HCN1: variants seen among roughly 807,000 people sequenced by gnomAD.
The protein encoded by HCN1 is potassium/sodium hyperpolarization-activated cyclic nucleotide-gated channel 1.
HCN1 carries 13 observed loss-of-function variants against 78.9 expected under a neutral mutation model. The ratio of observed to expected loss-of-function variants is 0.16; its 90% CI spans 0.11 to 0.26. The LOEUF (loss-of-function observed/expected upper bound fraction) is 0.26, where lower values mean the gene tolerates loss of function less well. Among genes scored for constraint, HCN1 ranks in the 10% least tolerant of loss-of-function variants. HCN1 has a pLI of 1.00. For synonymous variants in HCN1, 552 were observed against 455.5 expected, an observed-to-expected ratio of 1.21 and a Z score of -2.70; for missense variants, 810 against 1,154.3, an observed-to-expected ratio of 0.70 and a Z score of 4.32.
At chr5:45,305,255 C>T (rs778178592) in intron 5 of HCN1, among the ~76,000 whole-genome samples, 35 of 152,102 alleles carry the variant, frequency 2.3e-4, no homozygotes, top group Non-Finnish European at 1.3e-4. Context: ...CATAAAATAA[C>T]CTAATGCCAT....
At chr5:45,372,072 T>TATAATATAATTATACATATATTA (rs1561127858) in intron 4 of HCN1, among the ~76,000 whole-genome samples, 530 of 47,464 alleles carry the variant, frequency 0.011, 24 homozygotes, top group African/African-American at 0.038. Flanking sequence ...ATATTATATA[T>TATAATATAATTATACATATATTA]TATATATAAT....
chr5:45,549,832 G>A (rs1031020283), intron 2 of HCN1, among the ~76,000 whole-genome samples: 3 of 152,126 alleles, frequency 2.0e-5, no homozygotes, highest in Non-Finnish European at 4.4e-5. Context: ...CAAAAAGTGG[G>A]CGAAGGATAC....
intron 2 of HCN1, among the ~76,000 whole-genome samples, chr5:45,484,724 A>AT (rs1741723820): frequency 6.6e-6 from 1 of 152,186 alleles, no homozygotes; most frequent in African/African-American, 2.4e-5. Flanking sequence ...TAGGTCTCTA[A>AT]CAACAGTAGC....
intron 1 of HCN1, among the ~76,000 whole-genome samples, chr5:45,659,182 C>A (rs987808698): frequency 2.7e-5 from 4 of 149,392 alleles, no homozygotes; most frequent in African/African-American, 9.8e-5. Context: ...AGGCACCCCC[C>A]AGCAGGGGCA....
chr5:45,447,219 A>C (rs1656801808), intron 3 of HCN1, among the ~76,000 whole-genome samples: 1 of 152,166 alleles, frequency 6.6e-6, no homozygotes, highest in African/African-American at 2.4e-5. Context: ...AAACAAAAAA[A>C]GGCAGGGGTT....
intron 3 of HCN1, among the ~76,000 whole-genome samples, chr5:45,399,098 C>T (rs564620142): frequency 3.3e-4 from 50 of 152,338 alleles, no homozygotes; most frequent in African/African-American, 1.1e-3. Context: ...GCTCTCTACT[C>T]ACCATGGGTG....
intron 2 of HCN1, among the ~76,000 whole-genome samples, chr5:45,481,243 C>G (rs960572788): frequency 6.6e-6 from 1 of 152,196 alleles, no homozygotes; most frequent in Non-Finnish European, 1.5e-5. Flanking sequence ...TCAATGGCTG[C>G]TGATATCTCT....
chr5:45,378,357 T>C (rs565351955), intron 4 of HCN1, among the ~76,000 whole-genome samples: 1 of 152,178 alleles, frequency 6.6e-6, no homozygotes, highest in East Asian at 1.9e-4. Flanking sequence ...GTGCCAATTT[T>C]CTTGATAACT....
intron 1 of HCN1, among the ~76,000 whole-genome samples, chr5:45,668,166 T>C (rs1476186822): frequency 1.3e-5 from 2 of 151,948 alleles, no homozygotes; most frequent in Non-Finnish European, 2.9e-5. Context: ...AAGAGTAGCT[T>C]AATGAAAAAT....
chr5:45,641,609 A>C (rs1033712457), intron 2 of HCN1: 6 of 152,204 alleles, frequency 3.9e-5, no homozygotes, highest in African/African-American at 1.4e-4. Flanking sequence ...TTATTATATA[A>C]TGATGCATTT....
At chr5:45,266,327 C>G (rs950933559) in intron 7 of HCN1, among the ~76,000 whole-genome samples, 11 of 151,748 alleles carry the variant, frequency 7.2e-5, no homozygotes, top group Non-Finnish European at 1.5e-4. Context: ...ATATTACAAA[C>G]ATTTTATTAT....
intron 3 of HCN1, among the ~76,000 whole-genome samples, chr5:45,400,968 T>G (rs1203206110): frequency 3.3e-5 from 5 of 152,186 alleles, no homozygotes; most frequent in Non-Finnish European, 5.9e-5. Flanking sequence ...TAATCTGTTG[T>G]TCACATAACT....
intron 4 of HCN1, among the ~76,000 whole-genome samples, chr5:45,376,638 C>G (rs969370382): frequency 6.6e-6 from 1 of 151,834 alleles, no homozygotes; most frequent in Non-Finnish European, 1.5e-5. Context: ...ATAGTCCCAA[C>G]TATTCCATGA....
chr5:45,499,250 C>T (rs528176182), intron 2 of HCN1, among the ~76,000 whole-genome samples: 8 of 152,272 alleles, frequency 5.3e-5, no homozygotes, highest in Non-Finnish European at 1.0e-4. Context: ...TGCGCATGCA[C>T]GTAGGCCCCT....
intron 1 of HCN1, among the ~76,000 whole-genome samples, chr5:45,663,782 G>A (rs1745973035): frequency 6.6e-6 from 1 of 151,356 alleles, no homozygotes; most frequent in South Asian, 2.1e-4. Flanking sequence ...CAGTTAGAAT[G>A]GCAATCATTA....
intron 1 of HCN1, among the ~76,000 whole-genome samples, chr5:45,688,452 G>T (rs1033548253): frequency 6.6e-6 from 1 of 152,080 alleles, no homozygotes; most frequent in African/African-American, 2.4e-5. Context: ...GCACATACTT[G>T]CAGGTGCCAG....
intron 2 of HCN1, among the ~76,000 whole-genome samples, chr5:45,584,240 T>C (rs1416660744): frequency 6.6e-6 from 1 of 152,168 alleles, no homozygotes; most frequent in Non-Finnish European, 1.5e-5. Context: ...ATATTTAGGA[T>C]AGTTAGCTCT....
intron 1 of HCN1, among the ~76,000 whole-genome samples, chr5:45,693,595 A>G (rs1313091305): frequency 1.3e-5 from 2 of 152,134 alleles, no homozygotes; most frequent in African/African-American, 4.8e-5. Flanking sequence ...TTGTTCAGTA[A>G]CAATGTTTTT....
At chr5:45,308,290 T>C (rs144292416) in intron 5 of HCN1, among the ~76,000 whole-genome samples, 102 of 152,214 alleles carry the variant, frequency 6.7e-4, no homozygotes, top group Non-Finnish European at 1.1e-3. Flanking sequence ...CAAATAAATT[T>C]CTTTATAAAT....
Sources: gnomAD v4.1 joint callset for allele counts (sites outside exome capture counted in the v4.1 genomes callset) on GRCh38, gnomAD v4.1.1 for gene constraint, MANE v1.5 for transcripts, NCBI Gene and HGNC (gene_info 2026-07-23, HGNC 2026-07-21) for gene names.